Variants in PREX2 observed in about 807,000 individuals in gnomAD.
The protein encoded by PREX2 is phosphatidylinositol-3,4,5-trisphosphate dependent Rac exchange factor 2, also known as phosphatidylinositol 3,4,5-trisphosphate-dependent Rac exchanger 2 protein.
PREX2 carries 107 observed loss-of-function variants against 203.2 expected under a neutral mutation model. That is an observed-to-expected ratio of 0.53 (90% CI 0.45 to 0.62). The LOEUF (loss-of-function observed/expected upper bound fraction) is 0.62, where lower values mean the gene tolerates loss of function less well. Among genes scored for constraint, PREX2 ranks in the 20% least tolerant of loss-of-function variants. The pLI, the probability that PREX2 is intolerant of heterozygous loss-of-function variation, is 0.00. For synonymous variants in PREX2, 672 were observed against 663.6 expected (o/e 1.01, Z -0.19); for missense variants, 1,777 against 1,955.9 (o/e 0.91, Z 1.72).
intron 11 of PREX2, among the ~76,000 whole-genome samples, chr8:68,062,687 C>A (rs1161630577): frequency 6.6e-6 from 1 of 152,096 alleles, no homozygotes; most frequent in East Asian, 1.9e-4. Flanking sequence ...TTACTCATGT[C>A]TTCCATGACC....
chr8:68,028,159 A>G (rs894491739), intron 5 of PREX2, among the ~76,000 whole-genome samples: 18 of 151,988 alleles, frequency 1.2e-4, no homozygotes, highest in African/African-American at 4.1e-4. Flanking sequence ...TATGATGATG[A>G]TGAATTTATA....
chr8:68,169,155 G>A (rs1418067883), intron 35 of PREX2, among the ~76,000 whole-genome samples: 1 of 152,078 alleles, frequency 6.6e-6, no homozygotes, highest in East Asian at 1.9e-4. Flanking sequence ...TCCTTTTGGG[G>A]TAAAGATGGT....
intron 9 of PREX2, 109 bp from the exon 10 acceptor site, chr8:68,055,720 AC>A (rs1808656884): frequency 2.0e-6 from 2 of 1,007,244 alleles, no homozygotes; most frequent in Non-Finnish European, 3.0e-6. Context: ...TGTATCCACA[AC>A]CCCCAGCACA....
chr8:68,060,680 G>A lies in PREX2; in HGVS notation c.1240G>A (p.Glu414Lys), dbSNP rs201372935. Reference protein sequence around the residue: ...TTFPKCFLGSEFVSWLLEIGE... With the variant: ...TTFPKCFLGSKFVSWLLEIGE... ...TTTTTCACTGACTTTCTCTTGCAGC[G>A]AATTTGTGTCATGGCTGTTGGAAAT... Residue 414 changes from glutamate (E) to lysine (K), a missense_variant and splice_region_variant, in exon 11 of 40, where the codon GAA becomes AAA. Transcript: ENST00000288368. 3.8e-5 allele frequency: 61 copies of A among 1,609,044 alleles called. No individual in the cohort carries two copies. Among genetic ancestry groups the A allele is most frequent in the Admixed American group, 8.5e-5 (5 of 59,120 alleles).
chr8:68,225,273 A>AT (rs1335396102), intron 39 of PREX2, among the ~76,000 whole-genome samples: 4 of 151,184 alleles, frequency 2.6e-5, no homozygotes, highest in East Asian at 1.9e-4. Flanking sequence ...GAAATGAATG[A>AT]TTTTTTTGTT....
chr8:68,021,315 A>G (rs542511141), intron 3 of PREX2, among the ~76,000 whole-genome samples: 63 of 152,330 alleles, frequency 4.1e-4, no homozygotes, highest in African/African-American at 1.4e-3. Context: ...TTGGAGCTAC[A>G]TAGGACTGTC....
intron 1 of PREX2, among the ~76,000 whole-genome samples, chr8:67,988,704 C>G (rs1328206195): frequency 3.9e-5 from 6 of 152,174 alleles, no homozygotes; most frequent in Non-Finnish European, 8.8e-5. Flanking sequence ...AAGTTAGGGG[C>G]CTTCTCCTTG....
At chr8:68,106,454 C>T (rs895565513) in intron 23 of PREX2, 1 of 424,472 alleles carries the variant, frequency 2.4e-6, no homozygotes, top group Admixed American at 3.1e-5. Context: ...TAAATTTGCT[C>T]ATCATTTTGT....
chr8:68,080,317 A>G, intron 15 of PREX2, 126 bp from the exon 16 acceptor site: 1 of 740,944 alleles, frequency 1.3e-6, no homozygotes, highest in South Asian at 1.8e-5. Context: ...TTGTGAATGT[A>G]ACTAGTCCTA....
chr8:68,192,487 C>T lies in PREX2; in HGVS notation c.4566C>T (p.Gly1522=), dbSNP rs61753705. Residue 1522 remains glycine, a synonymous_variant, in exon 37 of 40, where the codon GGC becomes GGT. Coordinates refer to ENST00000288368, the MANE Select transcript of PREX2 (RefSeq NM_024870.4). ...CCTCGGAGCTGTGCAACAGGCTGGGCGCCTGCCACATCATCATGTGCAGCA... is the reference window on the plus strand; with the variant it reads ...CCTCGGAGCTGTGCAACAGGCTGGGTGCCTGCCACATCATCATGTGCAGCA... ...SVSSELCNRL[G]ACHIIMCSSG... is the part of the protein sequence containing the mutation. 411 of 1,612,394 alleles carry T rather than the reference C, an allele frequency of 2.5e-4. 1 individual carries two copies. Among genetic ancestry groups the T allele is most frequent in the Middle Eastern group, 2.5e-3 (14 of 5,528 alleles).
At chr8:68,157,538 A>T (rs573052090) in intron 35 of PREX2, 102 bp downstream of exon 35, 174 of 509,418 alleles carry the variant, frequency 3.4e-4, no homozygotes, top group Middle Eastern at 1.8e-3. Flanking sequence ...TATTAATGAC[A>T]TTTCTTTTGA....
At chr8:68,069,664 A>G (rs13257871) in intron 12 of PREX2, among the ~76,000 whole-genome samples, 171 bp from the exon 13 acceptor site, 1 of 150,672 alleles carries the variant, frequency 6.6e-6, no homozygotes, top group East Asian at 1.9e-4. Context: ...TTAATGATTT[A>G]AATCATATTA....
At chr8:68,002,033 A>G (rs1478467574) in intron 1 of PREX2, among the ~76,000 whole-genome samples, 1 of 151,976 alleles carries the variant, frequency 6.6e-6, no homozygotes, top group Non-Finnish European at 1.5e-5. Flanking sequence ...ATCCTGTGAC[A>G]CAAGTTTCCC....
At chr8:68,000,692 C>T (rs972017639) in intron 1 of PREX2, among the ~76,000 whole-genome samples, 5 of 152,156 alleles carry the variant, frequency 3.3e-5, no homozygotes, top group African/African-American at 1.2e-4. Flanking sequence ...TTCCCAACCT[C>T]AAACTATGTT....
intron 6 of PREX2, 74 bp from the exon 7 acceptor site, chr8:68,038,085 G>A: frequency 1.4e-6 from 2 of 1,470,850 alleles, no homozygotes; most frequent in Non-Finnish European, 1.9e-6. Flanking sequence ...AACCATAATT[G>A]TAAGTCGAAA....
Position 68,138,407 on chromosome 8 carries a change from C to G in PREX2, c.3985-8C>G, listed in dbSNP as rs758958751. On this transcript the variant is annotated splice_region_variant and splice_polypyrimidine_tract_variant and intron_variant, in intron 32 of 39. Transcript: ENST00000288368. ...CTTGTATTATATATTGTTTTTCTTT[C>G]TTTGTAGACAGATGAACAAGCCATG... is the stretch of plus-strand genomic sequence containing the variant. 1.4e-6 allele frequency: 2 copies of G among 1,471,220 alleles called. No individual in the cohort carries two copies. The highest frequency in any genetic ancestry group is 2.8e-5 in the African/African-American group (2 of 71,194). The allele number at this position is 1,471,220 out of a possible 1,614,324, so 91.1% of individuals were successfully genotyped here.
intron 1 of PREX2, among the ~76,000 whole-genome samples, chr8:68,016,771 C>G (rs1807419834): frequency 6.6e-6 from 1 of 152,082 alleles, no homozygotes; most frequent in Admixed American, 6.6e-5. Flanking sequence ...TGTGTGCCAC[C>G]ACGCCCAGCA....
chr8:68,202,863 G>A (rs913505007), intron 37 of PREX2, among the ~76,000 whole-genome samples: 6 of 152,314 alleles, frequency 3.9e-5, no homozygotes, highest in African/African-American at 1.4e-4. Context: ...GTGTGGCTCA[G>A]TGCAAGTCAG....
intron 1 of PREX2, among the ~76,000 whole-genome samples, chr8:68,006,060 A>G (rs576351814): frequency 6.6e-6 from 1 of 152,322 alleles, no homozygotes; most frequent in East Asian, 1.9e-4. Flanking sequence ...AATTCCTGCC[A>G]TTATTCTTTG....
Sources: gnomAD v4.1 joint callset for allele counts (sites outside exome capture counted in the v4.1 genomes callset) on GRCh38, gnomAD v4.1.1 for gene constraint, MANE v1.5 for transcripts, NCBI Gene and HGNC (gene_info 2026-07-23, HGNC 2026-07-21) for gene names.